WARS2: variants seen among roughly 807,000 people sequenced by gnomAD.
The protein encoded by WARS2 is tryptophan--tRNA ligase, mitochondrial.
A neutral mutation model predicts 36.5 loss-of-function variants in WARS2; 28 were observed. That is an observed-to-expected ratio of 0.77 (90% CI 0.57 to 1.05). The LOEUF is 1.05. Among genes scored for constraint, WARS2 ranks in the 50% least tolerant of loss-of-function variants. WARS2 has a pLI of 0.00. For missense variants in WARS2, 435 were observed against 456.8 expected (o/e 0.95, Z 0.44); for synonymous variants, 174 against 178.4 (o/e 0.98, Z 0.20).
intron 1 of WARS2, among the ~76,000 whole-genome samples, chr1:119,077,739 T>C (rs1423053892): frequency 6.6e-6 from 1 of 151,834 alleles, no homozygotes; most frequent in South Asian, 2.1e-4. Context: ...GAAGTCATAA[T>C]AGGAAAATGA....
intron 4 of WARS2, among the ~76,000 whole-genome samples, chr1:119,038,171 T>A (rs866063713): frequency 2.0e-5 from 3 of 152,094 alleles, no homozygotes; most frequent in Non-Finnish European, 4.4e-5. Flanking sequence ...TTCAGTAGGG[T>A]TCTGGTTTGG....
At chr1:119,075,854 A>G (rs587750357) in intron 2 of WARS2, among the ~76,000 whole-genome samples, 4 of 152,116 alleles carry the variant, frequency 2.6e-5, no homozygotes, top group Non-Finnish European at 5.9e-5. Flanking sequence ...TTGTCTTCCA[A>G]TTTCCCAACT....
At chr1:119,039,332 T>C (rs1444667130) in intron 4 of WARS2, among the ~76,000 whole-genome samples, 1 of 152,110 alleles carries the variant, frequency 6.6e-6, no homozygotes, top group Non-Finnish European at 1.5e-5. Context: ...TAATAAAAAT[T>C]ATATATGTAT....
chr1:119,040,513 C>G (rs74112272), intron 4 of WARS2, among the ~76,000 whole-genome samples: 3,111 of 152,198 alleles, frequency 0.02, 117 homozygotes, highest in African/African-American at 0.071. Flanking sequence ...GTTTTTGGAG[C>G]CAAGGTTTCA....
chr1:119,119,114 C>T (rs1655172995), intron 1 of WARS2, among the ~76,000 whole-genome samples: 1 of 152,018 alleles, frequency 6.6e-6, no homozygotes, highest in African/African-American at 2.4e-5. Flanking sequence ...AAATGCTCCA[C>T]TTAAAAGATA....
intron 1 of WARS2, among the ~76,000 whole-genome samples, chr1:119,110,651 G>A (rs981525826): frequency 2.6e-5 from 4 of 151,740 alleles, no homozygotes; most frequent in African/African-American, 4.8e-5. Context: ...TTGCTTGGTG[G>A]TCTCTGAGTT....
chr1:119,052,190 CAATT>C (rs1414273191), intron 2 of WARS2, among the ~76,000 whole-genome samples: 4 of 152,150 alleles, frequency 2.6e-5, no homozygotes, highest in African/African-American at 7.2e-5. Flanking sequence ...AGGTATCAAT[CAATT>C]GATTCAAGCA....
At chr1:119,113,910 T>C (rs1362493080) in intron 1 of WARS2, among the ~76,000 whole-genome samples, 3 of 152,140 alleles carry the variant, frequency 2.0e-5, no homozygotes, top group Non-Finnish European at 4.4e-5. Flanking sequence ...AGGCTTAAGA[T>C]GCTAAATACT....
intron 1 of WARS2, among the ~76,000 whole-genome samples, chr1:119,087,297 T>C (rs1254924372): frequency 6.6e-6 from 1 of 152,208 alleles, no homozygotes; most frequent in Admixed American, 6.5e-5. Flanking sequence ...CCCTTATAAA[T>C]GTTAACTGAA....
At chr1:119,085,297 G>A (rs886999709) in intron 1 of WARS2, 2 of 1,125,568 alleles carry the variant, frequency 1.8e-6, no homozygotes, top group Non-Finnish European at 2.7e-6. Context: ...GCCTTGGGGA[G>A]CTTCCGCCCC....
At chr1:119,086,079 C>G in intron 1 of WARS2, 1 of 1,050,254 alleles carries the variant, frequency 9.5e-7, no homozygotes, top group Non-Finnish European at 1.4e-6. Context: ...AGATTGGTCT[C>G]AAACTCCTAG....
At chr1:119,109,242 A>G (rs1182811346) in intron 1 of WARS2, among the ~76,000 whole-genome samples, 1 of 151,894 alleles carries the variant, frequency 6.6e-6, no homozygotes, top group African/African-American at 2.4e-5. Context: ...TGATTTATGG[A>G]GTGTTGAGTT....
At chr1:119,075,601 T>A (rs1293294701) in intron 2 of WARS2, among the ~76,000 whole-genome samples, 7 of 152,198 alleles carry the variant, frequency 4.6e-5, no homozygotes, top group African/African-American at 1.7e-4. Flanking sequence ...ACATGTACCA[T>A]AGCATGTATA....
intron 2 of WARS2, among the ~76,000 whole-genome samples, chr1:119,070,987 A>G (rs1233383134): frequency 2.6e-5 from 4 of 152,006 alleles, no homozygotes; most frequent in Admixed American, 2.6e-4. Flanking sequence ...GTTCGAGACC[A>G]GCCTGGCCAA....
At chr1:119,112,370 GT>G (rs1654702399) in intron 1 of WARS2, among the ~76,000 whole-genome samples, 1 of 152,156 alleles carries the variant, frequency 6.6e-6, no homozygotes, top group African/African-American at 2.4e-5. Context: ...CCAAGAAATT[GT>G]TTTTTAATTG....
intron 1 of WARS2, among the ~76,000 whole-genome samples, chr1:119,131,451 G>GTTTTT (rs1433121541): frequency 7.9e-6 from 1 of 126,888 alleles, no homozygotes; most frequent in East Asian, 2.0e-4. Flanking sequence ...ACTGTGCAAA[G>GTTTTT]TTTTTTGTTT....
intron 2 of WARS2, among the ~76,000 whole-genome samples, chr1:119,069,048 A>G (rs1651099760): frequency 6.6e-6 from 1 of 152,218 alleles, no homozygotes. Flanking sequence ...AGGATTGGAG[A>G]TGAAAATTAC....
At chr1:119,112,314 T>C (rs1654696764) in intron 1 of WARS2, among the ~76,000 whole-genome samples, 1 of 152,140 alleles carries the variant, frequency 6.6e-6, no homozygotes, top group African/African-American at 2.4e-5. Flanking sequence ...AAGTTTACCA[T>C]GAAAGGTGGC....
At chr1:119,057,555 T>G (rs1374556005) in intron 2 of WARS2, among the ~76,000 whole-genome samples, 1 of 150,800 alleles carries the variant, frequency 6.6e-6, no homozygotes, top group Non-Finnish European at 1.5e-5. Flanking sequence ...TTTGGGAGGC[T>G]GAGGCGGGAG....
Sources: allele counts gnomAD v4.1 joint callset (sites outside exome capture counted in the v4.1 genomes callset), GRCh38; gene constraint gnomAD v4.1.1; transcripts MANE v1.5; gene names NCBI Gene and HGNC (gene_info 2026-07-23, HGNC 2026-07-21).